Variants in PRELID2 observed in about 807,000 individuals in gnomAD.
PRELID2 encodes PRELI domain-containing protein 2.
Under a neutral mutation model 28.4 loss-of-function variants are expected in PRELID2, and 25 were observed. That is an observed-to-expected ratio of 0.88 (90% CI 0.64 to 1.23). PRELID2 has a LOEUF of 1.23. Among genes scored for constraint, PRELID2 ranks in the 50% most tolerant of loss-of-function variants. The pLI, the probability that PRELID2 is intolerant of heterozygous loss-of-function variation, is 0.00. For missense variants in PRELID2, 201 were observed against 214.4 expected (o/e 0.94, Z 0.39); for synonymous variants, 76 against 71.6 (o/e 1.06, Z -0.31).
chr5:145,577,471 C>T (rs1275916941), intron 1 of PRELID2, among the ~76,000 whole-genome samples: 1 of 151,118 alleles, frequency 6.6e-6, no homozygotes, highest in Non-Finnish European at 1.5e-5. Flanking sequence ...ATAAAAAATG[C>T]AACAGAGAAA....
chr5:145,351,805 A>C, the PRELID2 span, among the ~76,000 whole-genome samples: 1 of 152,324 alleles, frequency 6.6e-6, no homozygotes, highest in East Asian at 1.9e-4. Context: ...GCATTGGGTA[A>C]GTATACCCAT....
chr5:145,617,664 G>A (rs1005049698), intron 1 of PRELID2, among the ~76,000 whole-genome samples: 3 of 151,250 alleles, frequency 2.0e-5, no homozygotes, highest in African/African-American at 7.3e-5. Flanking sequence ...AGATTTTCCA[G>A]AGCATTTTGC....
chr5:145,261,030 G>T, the PRELID2 span, among the ~76,000 whole-genome samples: 1 of 152,238 alleles, frequency 6.6e-6, no homozygotes, highest in Non-Finnish European at 1.5e-5. Flanking sequence ...GCTAGGTGAG[G>T]CCTGTGGCTG....
chr5:145,374,240 GA>G, the PRELID2 span, among the ~76,000 whole-genome samples: 2 of 151,980 alleles, frequency 1.3e-5, no homozygotes, highest in Non-Finnish European at 2.9e-5. Flanking sequence ...CATCACTTAT[GA>G]AGCTCAGTTT....
At chr5:145,805,534 T>TC (rs1205644276) in intron 4 of PRELID2, among the ~76,000 whole-genome samples, 1 of 152,126 alleles carries the variant, frequency 6.6e-6, no homozygotes, top group Non-Finnish European at 1.5e-5. Flanking sequence ...AAACTAGAAT[T>TC]ACCAAGGTGA....
chr5:145,774,203 T>C (rs1758270811), intron 5 of PRELID2, among the ~76,000 whole-genome samples: 2 of 152,206 alleles, frequency 1.3e-5, no homozygotes. Context: ...GGTAAGACAG[T>C]TCTGCTCTCA....
At chr5:145,255,431 T>C in the PRELID2 span, among the ~76,000 whole-genome samples, 1 of 152,058 alleles carries the variant, frequency 6.6e-6, no homozygotes, top group African/African-American at 2.4e-5. Flanking sequence ...TGAAAATATT[T>C]TTTAAATGAT....
intron 1 of PRELID2, among the ~76,000 whole-genome samples, chr5:145,579,195 A>G (rs536636661): frequency 6.6e-6 from 1 of 152,172 alleles, no homozygotes; most frequent in South Asian, 2.1e-4. Flanking sequence ...CACTATAGAA[A>G]CCCAAGGAAA....
At chr5:145,310,876 C>G in the PRELID2 span, among the ~76,000 whole-genome samples, 1 of 151,038 alleles carries the variant, frequency 6.6e-6, no homozygotes, top group African/African-American at 2.4e-5. Flanking sequence ...TTCAAACTTT[C>G]TCTAAATAAA....
chr5:145,583,854 G>C (rs549858996), intron 1 of PRELID2, among the ~76,000 whole-genome samples: 1 of 152,144 alleles, frequency 6.6e-6, no homozygotes, highest in Admixed American at 6.5e-5. Context: ...TGTGAAAATG[G>C]CCATACTGCT....
the PRELID2 span, among the ~76,000 whole-genome samples, chr5:145,352,303 G>A: frequency 3.3e-5 from 5 of 152,206 alleles, no homozygotes; most frequent in African/African-American, 1.2e-4. Context: ...CTAGGCAGAT[G>A]TTACCAAACC....
At chr5:145,726,305 AAGAG>A (rs796443528) in intron 1 of PRELID2, among the ~76,000 whole-genome samples, 2 of 147,300 alleles carry the variant, frequency 1.4e-5, no homozygotes, top group African/African-American at 2.6e-5. Context: ...AAGAAAAAGA[AAGAG>A]AGAGAGAGAG....
chr5:145,830,791 A>G (rs1755532951), intron 1 of PRELID2, among the ~76,000 whole-genome samples: 1 of 152,236 alleles, frequency 6.6e-6, no homozygotes, highest in Non-Finnish European at 1.5e-5. Context: ...TAGCTTTGAA[A>G]GCATGCAGCT....
intron 1 of PRELID2, among the ~76,000 whole-genome samples, chr5:145,649,725 G>T (rs539233868): frequency 6.6e-6 from 1 of 152,130 alleles, no homozygotes; most frequent in African/African-American, 2.4e-5. Context: ...GCATTTCAAG[G>T]CTCCAAATTT....
chr5:145,447,227 G>A, the PRELID2 span, among the ~76,000 whole-genome samples: 1 of 151,774 alleles, frequency 6.6e-6, no homozygotes, highest in Admixed American at 6.6e-5. Flanking sequence ...TACCGCATGA[G>A]GTTGAAAGAT....
At chr5:145,704,624 A>ATGTC (rs1402789648) in intron 1 of PRELID2, among the ~76,000 whole-genome samples, 3 of 152,236 alleles carry the variant, frequency 2.0e-5, no homozygotes, top group African/African-American at 7.2e-5. Flanking sequence ...GTTCCTCTTA[A>ATGTC]TGTCCCCCAG....
intron 5 of PRELID2, among the ~76,000 whole-genome samples, chr5:145,792,471 A>G (rs1038903256): frequency 1.3e-5 from 2 of 152,206 alleles, no homozygotes; most frequent in Non-Finnish European, 2.9e-5. Context: ...AACACCAAAC[A>G]AGGCTCAATA....
the PRELID2 span, among the ~76,000 whole-genome samples, chr5:145,340,658 C>A: frequency 1.3e-5 from 2 of 151,644 alleles, no homozygotes; most frequent in South Asian, 4.2e-4. Flanking sequence ...TTCCAGCTAC[C>A]CAGGAGGCAC....
chr5:145,254,289 T>C, the PRELID2 span, among the ~76,000 whole-genome samples: 1 of 152,184 alleles, frequency 6.6e-6, no homozygotes, highest in African/African-American at 2.4e-5. Context: ...TTGCACACAT[T>C]GTATATCCAA....
Sources: gnomAD v4.1 joint callset for allele counts (sites outside exome capture counted in the v4.1 genomes callset) on GRCh38, gnomAD v4.1.1 for gene constraint, MANE v1.5 for transcripts, NCBI Gene and HGNC (gene_info 2026-07-23, HGNC 2026-07-21) for gene names.